Variants in ACO2 observed in about 807,000 individuals in gnomAD.
ACO2 encodes the protein aconitase 2, also known as aconitate hydratase, mitochondrial.
A neutral mutation model predicts 84.5 loss-of-function variants in ACO2; 31 were observed. That is an observed-to-expected ratio of 0.37 (90% CI 0.28 to 0.50). The LOEUF is 0.50. Ranked by LOEUF, ACO2 falls within the 20% of genes least tolerant of loss-of-function variation. The probability of loss-of-function intolerance (pLI) is 0.97; values close to 1 mark genes in which losing one functional copy is unlikely to be tolerated. For missense variants in ACO2, 685 were observed against 1,029.3 expected (o/e 0.67, Z 4.58); for synonymous variants, 414 against 412.7 (o/e 1.00, Z -0.04).
rs1601916947 is a variant in ACO2, at chr22:41,515,451, C to T, written c.600C>T (p.Gly200=). The T allele has an allele frequency of 1.9e-6, 3 of 1,613,618 alleles. No homozygotes were observed. Among genetic ancestry groups the T allele is most frequent in the Non-Finnish European group, 2.5e-6 (3 of 1,179,902 alleles). Residue 200 remains glycine (G), a synonymous_variant, in exon 5 of 18, where the codon GGC becomes GGT. Transcript: ENST00000216254. The surrounding 1 kb of genome is among the most constrained non-coding windows in gnomAD (Gnocchi z 5.8). ...ACTCCCACACCCCCAATGGTGGCGG[C>T]CTTGGGGGCATCTGCATTGGAGTTG... ...GTDSHTPNGG[G]LGGICIGVGG...
chr22:41,494,494 C>T (rs2066297407), intron 1 of ACO2, among the ~76,000 whole-genome samples: 1 of 151,410 alleles, frequency 6.6e-6, no homozygotes, highest in South Asian at 2.1e-4. Context: ...TCACTGCAAC[C>T]TCCACTTCCC....
At chr22:41,483,357 G>A (rs2038111962) in intron 1 of ACO2, among the ~76,000 whole-genome samples, 1 of 152,288 alleles carries the variant, frequency 6.6e-6, no homozygotes, top group South Asian at 2.1e-4. Flanking sequence ...ACTCTGTAAA[G>A]TTATTTTTAA....
intron 1 of ACO2, among the ~76,000 whole-genome samples, chr22:41,469,760 C>T (rs1255336071): frequency 6.6e-6 from 1 of 152,132 alleles, no homozygotes; most frequent in Non-Finnish European, 1.5e-5. Context: ...CACCTTTGCA[C>T]AAGATTTGAG....
At chr22:41,517,733 C>A in intron 7 of ACO2, 102 bp downstream of exon 7, 2 of 1,041,636 alleles carry the variant, frequency 1.9e-6, no homozygotes, top group Non-Finnish European at 2.9e-6. Flanking sequence ...GTTCTTAACC[C>A]ATTGTCTCCA....
chr22:41,498,392 T>C (rs2066330473), intron 1 of ACO2, among the ~76,000 whole-genome samples: 1 of 152,158 alleles, frequency 6.6e-6, no homozygotes, highest in Non-Finnish European at 1.5e-5. Context: ...GCCCCCAAAC[T>C]TAAAGGCTTA....
At chr22:41,469,219 G>C (rs758665243) in intron 1 of ACO2, 37 bp downstream of exon 1, 2 of 1,600,078 alleles carry the variant, frequency 1.2e-6, no homozygotes, top group Non-Finnish European at 1.7e-6. Context: ...TCACGGGGGC[G>C]GGGTGCCTCC....
intron 4 of ACO2, among the ~76,000 whole-genome samples, chr22:41,513,353 G>A (rs1352697713): frequency 1.3e-5 from 2 of 151,892 alleles, no homozygotes; most frequent in African/African-American, 4.8e-5. Context: ...TCTTTAAAAA[G>A]AAAATGCCCA....
intron 9 of ACO2, among the ~76,000 whole-genome samples, chr22:41,521,006 C>A (rs1280278058): frequency 7.8e-6 from 1 of 128,362 alleles, no homozygotes; most frequent in Non-Finnish European, 1.6e-5. Flanking sequence ...AGACTCAAAA[C>A]TGCAGACTCA....
At chr22:41,526,847 C>G (rs1018228178) in intron 15 of ACO2, 7 of 301,174 alleles carry the variant, frequency 2.3e-5, no homozygotes, top group South Asian at 4.8e-5. Flanking sequence ...CAAACAGAAC[C>G]AGGGCTGAAC....
chr22:41,503,300 A>G (rs2066366697), intron 2 of ACO2, among the ~76,000 whole-genome samples: 1 of 151,390 alleles, frequency 6.6e-6, no homozygotes, highest in Non-Finnish European at 1.5e-5. Flanking sequence ...AACATTTTCC[A>G]GATTAGTACA....
chr22:41,505,691 A>C (rs1365799039), intron 2 of ACO2, among the ~76,000 whole-genome samples: 1 of 151,996 alleles, frequency 6.6e-6, no homozygotes, highest in East Asian at 1.9e-4. Flanking sequence ...ACTTAAGATA[A>C]TGCTGAGCTG....
In ACO2 at chr22:41,526,460, CAG is replaced by C. The variant is rs746609810; in HGVS notation, c.1953+10_1953+11del. 2 of 1,608,642 alleles carry C rather than the reference CAG, an allele frequency of 1.2e-6. No individual in the cohort carries two copies. The highest frequency in any genetic ancestry group is 2.7e-5 in the African/African-American group (2 of 74,990). On this transcript the variant is annotated splice_region_variant and intron_variant, in intron 15 of 17. Transcript: ENST00000216254. ...CACTGCCCGCTACTACAAGGTGGGTCAGAGTTGATAGGGGCAATGCCAGTGGT... is the reference window on the plus strand; with the variant it reads ...CACTGCCCGCTACTACAAGGTGGGTCAGTTGATAGGGGCAATGCCAGTGGT...
Position 41,515,728 on chromosome 22 carries a change from A to G in ACO2, c.685-39A>G, listed in dbSNP as rs753704051. Reference sequence around the variant, plus strand: ...CTGACTTCGTGGCTGGCACAGGCACACACGGCCTCTCACAGCCGCCTCGCC... The same window carrying G: ...CTGACTTCGTGGCTGGCACAGGCACGCACGGCCTCTCACAGCCGCCTCGCC... On this transcript the variant is annotated intron_variant, in intron 5 of 17. Coordinates refer to ENST00000216254, the MANE Select transcript of ACO2 (RefSeq NM_001098.3). The surrounding 1 kb of genome is among the most constrained non-coding windows in gnomAD (Gnocchi z 5.8). 10 of 1,612,012 alleles carry G rather than the reference A, an allele frequency of 6.2e-6. No individual in the cohort carries two copies. Among genetic ancestry groups the G allele is most frequent in the Non-Finnish European group, 8.5e-6 (10 of 1,179,682 alleles).
chr22:41,526,127 C>G, intron 14 of ACO2, 135 bp from the exon 15 acceptor site: 2 of 721,090 alleles, frequency 2.8e-6, no homozygotes, highest in Non-Finnish European at 4.6e-6. Flanking sequence ...GAACACGTGT[C>G]TGAAGACTTG....
At chr22:41,519,807 C>CAAAA (rs11426442) in intron 8 of ACO2, among the ~76,000 whole-genome samples, 1 of 134,952 alleles carries the variant, frequency 7.4e-6, no homozygotes, top group African/African-American at 2.7e-5. Context: ...GACTCCATCT[C>CAAAA]AAAAAAAAAA....
chr22:41,477,709 G>T (rs572392120), intron 1 of ACO2, among the ~76,000 whole-genome samples: 1 of 152,218 alleles, frequency 6.6e-6, no homozygotes, highest in South Asian at 2.1e-4. Context: ...TCTGTCTCCA[G>T]CCCCTGCAGA....
chr22:41,495,350 G>A (rs2066305220), intron 1 of ACO2, among the ~76,000 whole-genome samples: 1 of 152,014 alleles, frequency 6.6e-6, no homozygotes, highest in Non-Finnish European at 1.5e-5. Context: ...TCCTTGACAG[G>A]TCTTGCTATG....
At position 41,499,818 on chromosome 22, in the gene ACO2, C is replaced by T. The variant is rs2066341134; in HGVS notation, c.129C>T (p.Ile43=). Residue 43 remains isoleucine, a synonymous_variant, in exon 2 of 18, where the codon ATC becomes ATT. Transcript: ENST00000216254. ...AMSHFEPNEY[I]HYDLLEKNIN... ...GCCACTTTGAGCCCAACGAGTACAT[C>T]CATTATGACCTGCTAGAGAAGAACA... 1 of 1,614,048 alleles carries T rather than the reference C, an allele frequency of 6.2e-7. No individual in the cohort carries two copies. Among genetic ancestry groups the T allele is most frequent in the Non-Finnish European group, 8.5e-7 (1 of 1,180,038 alleles).
chr22:41,472,468 C>T (rs1422647219), intron 1 of ACO2, among the ~76,000 whole-genome samples: 3 of 152,158 alleles, frequency 2.0e-5, no homozygotes, highest in Admixed American at 2.0e-4. Context: ...CACTATGCTG[C>T]TTCCCTTTGG....
Sources: gnomAD v4.1 joint callset for allele counts (sites outside exome capture counted in the v4.1 genomes callset) on GRCh38, gnomAD v4.1.1 for gene constraint, Gnocchi (gnomAD v3.1) non-coding constraint, MANE v1.5 for transcripts, NCBI Gene and HGNC (gene_info 2026-07-23, HGNC 2026-07-21) for gene names.